MTMR6: variants seen among roughly 807,000 people sequenced by gnomAD.
MTMR6 encodes phosphatidylinositol-3,5-bisphosphate 3-phosphatase MTMR6.
Under a neutral mutation model 80.1 loss-of-function variants are expected in MTMR6, and 47 were observed. The ratio of observed to expected loss-of-function variants is 0.59; its 90% CI spans 0.46 to 0.75. The LOEUF is 0.75. Among genes scored for constraint, MTMR6 ranks in the 30% least tolerant of loss-of-function variants. The pLI is 0.00. For synonymous variants in MTMR6, 254 were observed against 253.0 expected, an observed-to-expected ratio of 1.00 and a Z score of -0.04; for missense variants, 629 against 730.9, an observed-to-expected ratio of 0.86 and a Z score of 1.61.
chr13:25,251,581 T>C lies in MTMR6; in HGVS notation c.1605+68A>G. On this transcript the variant is annotated intron_variant, in intron 13 of 13. Coordinates refer to ENST00000381801, the MANE Select transcript of MTMR6 (RefSeq NM_004685.5). The surrounding 1 kb of genome is among the most constrained non-coding windows in gnomAD (Gnocchi z 4.1). ...TTTATGTGCTGATTTACACCAACAA[T>C]ACAAATATTAGTCTAATCGTAAACT... The C allele has an allele frequency of 7.6e-7, 1 of 1,322,106 alleles. No individual in the cohort carries two copies. Among genetic ancestry groups the C allele is most frequent in the Non-Finnish European group, 1.0e-6 (1 of 961,168 alleles). The allele number at this position is 1,322,106 out of a possible 1,614,324, so 81.9% of individuals were successfully genotyped here. A position where few individuals can be genotyped will look rare whatever the true frequency, so the allele number is the denominator to read the frequency against.
chr13:25,253,001 T>G (rs1957122542), intron 11 of MTMR6, among the ~76,000 whole-genome samples: 1 of 152,214 alleles, frequency 6.6e-6, no homozygotes, highest in Non-Finnish European at 1.5e-5. Flanking sequence ...TTAAGTGCTC[T>G]TTATTGCCTA....
chr13:25,271,277 C>T lies in MTMR6; in HGVS notation c.141+2794G>A, dbSNP rs1012663369. ...GAGAGAGCTTCTCCTCCCTGATAAG[C>T]AATGGGGCTACTGAGGAAAGCCTAC... On this transcript the variant is annotated intron_variant, in intron 2 of 13. Transcript: ENST00000381801. Among the ~76,000 whole-genome samples the T allele has an allele frequency of 3.9e-5, 6 of 152,170 alleles. No individual in the cohort carries two copies. In the East Asian group the frequency reaches 5.8e-4, roughly 15 times the overall value.
rs1356157916 is a variant in MTMR6 at position 25,267,935 on chromosome 13, G to A, written c.148C>T (p.His50Tyr). The A allele has an allele frequency of 2.5e-6, 4 of 1,605,102 alleles. No homozygotes were observed. The highest frequency in any genetic ancestry group is 1.7e-4 in the Middle Eastern group (1 of 6,020). ...TTCTCTACTGAGGCAATATGGTGGT[G>A]TAATATCTACAGCATGAAAAAACAT... ...DSHQKETWIL[H>Y]HHIASVEKLA... Residue 50 changes from histidine (H) to tyrosine (Y), a missense_variant, in exon 3 of 14, where the codon CAC becomes TAC. By Grantham distance (83) the His-to-Tyr change is moderately conservative (BLOSUM62 2). Coordinates refer to ENST00000381801, the MANE Select transcript of MTMR6 (RefSeq NM_004685.5).
In MTMR6 at chr13:25,247,543, A is replaced by C. The variant is rs1957004393; in HGVS notation, c.*1689T>G. On this transcript the variant is annotated 3_prime_UTR_variant, in exon 14 of 14. Coordinates refer to ENST00000381801, the MANE Select transcript of MTMR6 (RefSeq NM_004685.5). ...CAGCCACAGAAGATTCTAAAACCAC[A>C]ATCAGTGACTGGAACACCAAGGCAC... 6.6e-6 allele frequency: 1 copy of C among 152,208 alleles called. No individual in the cohort carries two copies. The highest frequency in any genetic ancestry group is 6.5e-5 in the Admixed American group (1 of 15,270). The allele number at this position is 152,208 out of a possible 1,614,324, so 9.4% of individuals were successfully genotyped here.
chr13:25,274,961 TACACACACACACACACACAC>T (rs71077456), intron 1 of MTMR6, among the ~76,000 whole-genome samples: 48 of 105,056 alleles, frequency 4.6e-4, no homozygotes, highest in African/African-American at 1.6e-3. Flanking sequence ...CACACACACA[TACACACACACACACACACAC>T]ACACACACAC....
At position 25,249,189 on chromosome 13, in the gene MTMR6, C is replaced by A. The variant is rs1197567559; in HGVS notation, c.*43G>T. 1.9e-6 allele frequency: 3 copies of A among 1,591,582 alleles called. No homozygotes were observed. The highest frequency in any genetic ancestry group is 2.7e-5 in the African/African-American group (2 of 74,242). On this transcript the variant is annotated 3_prime_UTR_variant, in exon 14 of 14. Transcript: ENST00000381801. ...GCTTACAGACCATCCTCACAATAAT[C>A]CTTTTCTTGTACTGCAATCATTGCA...
Position 25,251,747 on chromosome 13 carries a change from C to T in MTMR6, c.1507G>A (p.Asp503Asn). 1 of 1,605,076 alleles carries T rather than the reference C, an allele frequency of 6.2e-7. No homozygotes were observed. The highest frequency in any genetic ancestry group is 8.5e-7 in the Non-Finnish European group (1 of 1,175,254). ...GACTGCCTAGGATGCAGTGTTCGAT[C>T]AAATTGATGGTACATGTTCCTCCAA... ...KFWRNMYHQFDRTLHPRQSVF... is the reference protein window; with the variant it reads ...KFWRNMYHQFNRTLHPRQSVF... The change falls in exon 13 of 14, where the codon GAT becomes AAT. Residue 503 changes from aspartate to asparagine, a missense_variant. Asp to Asn is a conservative substitution (Grantham distance 23, BLOSUM62 1). Transcript: ENST00000381801. The surrounding 1 kb of genome is among the most constrained non-coding windows in gnomAD (Gnocchi z 4.1).
intron 2 of MTMR6, 93 bp downstream of exon 2, chr13:25,273,978 G>T: frequency 1.1e-6 from 1 of 883,270 alleles, no homozygotes; most frequent in Non-Finnish European, 1.7e-6. Context: ...GGTAACCAAT[G>T]ATTAAAAATT....
rs989726050 is a variant in MTMR6, at chr13:25,246,864, G to C, written c.*2368C>G. On this transcript the variant is annotated 3_prime_UTR_variant, in exon 14 of 14. Coordinates refer to ENST00000381801, the MANE Select transcript of MTMR6 (RefSeq NM_004685.5). ...ACACCCTCAATAAAATTATCCTCTT[G>C]TCAGCCAGTTATTTTCTTCCTCATA... 1 of 152,122 alleles carries C rather than the reference G, an allele frequency of 6.6e-6. No homozygotes were observed. The highest frequency in any genetic ancestry group is 2.4e-5 in the African/African-American group (1 of 41,362). 9.4% of individuals were successfully genotyped at this position (152,122 alleles called of 1,614,324 possible).
Position 25,287,486 on chromosome 13 carries a change from T to C in MTMR6, c.-239A>G. ...ACTCGGGGCAGGCAGACAGAGCGTG[T>C]GTGGACCGAGAGCGGCTTGCTGGTT... On this transcript the variant is annotated 5_prime_UTR_variant, in exon 1 of 14. Coordinates refer to ENST00000381801, the MANE Select transcript of MTMR6 (RefSeq NM_004685.5). 1.8e-6 allele frequency: 1 copy of C among 566,458 alleles called. No homozygotes were observed. The highest frequency in any genetic ancestry group is 3.2e-6 in the Non-Finnish European group (1 of 315,328). The allele number at this position is 566,458 out of a possible 1,614,324, so 35.1% of individuals were successfully genotyped here. A position where few individuals can be genotyped will look rare whatever the true frequency, so the allele number is the denominator to read the frequency against.
intron 1 of MTMR6, among the ~76,000 whole-genome samples, chr13:25,279,314 G>GCT (rs200875623): frequency 9.9e-5 from 15 of 151,696 alleles, no homozygotes; most frequent in African/African-American, 3.6e-4. Context: ...TTCCCCCTTT[G>GCT]CTCTCTCTCT....
Position 25,266,295 on chromosome 13 carries a change from T to C in MTMR6, c.305-9A>G. The C allele has an allele frequency of 6.3e-7, 1 of 1,597,698 alleles. No individual in the cohort carries two copies. The highest frequency in any genetic ancestry group is 1.7e-5 in the Admixed American group (1 of 59,460). ...GAGATCTTCATATTTTGCTACAGAA[T>C]ACAAAATTTTAAATGTTAAGTGCAA... On this transcript the variant is annotated splice_polypyrimidine_tract_variant and intron_variant, in intron 3 of 13. Transcript: ENST00000381801.
chr13:25,252,548 A>G (rs537974611), intron 11 of MTMR6, among the ~76,000 whole-genome samples: 11 of 152,234 alleles, frequency 7.2e-5, no homozygotes, highest in Non-Finnish European at 1.5e-4. Flanking sequence ...CCAAGTAAAC[A>G]TAATGTAGGT....
intron 1 of MTMR6, among the ~76,000 whole-genome samples, chr13:25,282,024 C>G (rs767259568): frequency 2.0e-5 from 3 of 152,178 alleles, no homozygotes; most frequent in Non-Finnish European, 4.4e-5. Flanking sequence ...ACTACAGTAA[C>G]TTGCCCCTGT....
At position 25,248,232 on chromosome 13, in the gene MTMR6, A is replaced by T. The variant is rs1957020294; in HGVS notation, c.*1000T>A. The stretch of plus-strand genomic sequence containing the variant: ...TATTTACCCAAAAGTTTTTGAGTAA[A>T]CTGAAAGTTAGATACTCCAGGAACA... On this transcript the variant is annotated 3_prime_UTR_variant, in exon 14 of 14. Transcript: ENST00000381801. The T allele has an allele frequency of 6.6e-6, 1 of 152,072 alleles. No individual in the cohort carries two copies. The highest frequency in any genetic ancestry group is 1.5e-5 in the Non-Finnish European group (1 of 67,974). 9.4% of individuals were successfully genotyped at this position (152,072 alleles called of 1,614,324 possible).
chr13:25,247,268 A>C lies in MTMR6; in HGVS notation c.*1964T>G, dbSNP rs1956998263. 6.6e-6 allele frequency: 1 copy of C among 152,664 alleles called. No homozygotes were observed. Among genetic ancestry groups the C allele is most frequent in the Non-Finnish European group, 1.5e-5 (1 of 68,036 alleles). 9.5% of individuals were successfully genotyped at this position (152,664 alleles called of 1,614,324 possible). On this transcript the variant is annotated 3_prime_UTR_variant, in exon 14 of 14. Transcript: ENST00000381801. Reference sequence around the variant, plus strand: ...TGTTTTATCCAGAAGAAAAACATTCAAAGTAAAATGTGAACATTTAATTAC... The same window carrying C: ...TGTTTTATCCAGAAGAAAAACATTCCAAGTAAAATGTGAACATTTAATTAC...
chr13:25,283,917 G>A (rs1034922737), intron 1 of MTMR6, among the ~76,000 whole-genome samples: 1 of 152,186 alleles, frequency 6.6e-6, no homozygotes, highest in Non-Finnish European at 1.5e-5. Context: ...TGATTCATAA[G>A]TGTAGCTTGG....
chr13:25,254,789 G>T (rs376023633), intron 9 of MTMR6, among the ~76,000 whole-genome samples: 1 of 151,930 alleles, frequency 6.6e-6, no homozygotes, highest in Non-Finnish European at 1.5e-5. Context: ...AACCAAAACT[G>T]CTAACAAAGG....
intron 1 of MTMR6, among the ~76,000 whole-genome samples, chr13:25,283,462 CT>C (rs974618633): frequency 2.0e-5 from 3 of 152,210 alleles, no homozygotes; most frequent in African/African-American, 7.2e-5. Flanking sequence ...ATATCAGTTT[CT>C]CCTTATTCTT....
Sources: allele counts gnomAD v4.1 joint callset (sites outside exome capture counted in the v4.1 genomes callset), GRCh38; gene constraint gnomAD v4.1.1; non-coding constraint Gnocchi (gnomAD v3.1); transcripts MANE v1.5; gene names NCBI Gene and HGNC (gene_info 2026-07-23, HGNC 2026-07-21).